The following WDR5 variants were observed in gnomAD, a reference collection of about 807,000 sequenced individuals.
WDR5 encodes the protein WD repeat-containing protein 5.
For synonymous variants in WDR5, 144 were observed against 161.6 expected, an observed-to-expected ratio of 0.89 and a Z score of 0.83; for missense variants, 187 against 416.9, an observed-to-expected ratio of 0.45 and a Z score of 4.80.
intron 8 of WDR5, among the ~76,000 whole-genome samples, chr9:134,148,947 G>A (rs1281397785): frequency 6.6e-6 from 1 of 152,188 alleles, no homozygotes; most frequent in African/African-American, 2.4e-5. Flanking sequence ...GGAGCGAGTT[G>A]GGGGAGTGGA....
chr9:134,156,542 A>G lies in WDR5; in HGVS notation c.853A>G (p.Ile285Val). The G allele has an allele frequency of 6.2e-7, 1 of 1,614,202 alleles. No individual in the cohort carries two copies. The highest frequency in any genetic ancestry group is 1.3e-5 in the African/African-American group (1 of 75,044). The change falls in exon 13 of 14, where the codon ATC becomes GTC. Residue 285 changes from isoleucine (I) to valine (V), a missense_variant. Physicochemically the swap from Ile to Val is conservative, Grantham distance 29. Coordinates refer to ENST00000358625, the MANE Select transcript of WDR5 (RefSeq NM_017588.3). ...TGGCTCAGAGGATAACCTTGTTTAC[A>G]TCTGGAACCTTCAGACGAAAGAGAT... Reference protein sequence around the residue: ...VSGSEDNLVYIWNLQTKEIVQ... With the variant: ...VSGSEDNLVYVWNLQTKEIVQ...
chr9:134,155,452 G>T, intron 11 of WDR5, 79 bp downstream of exon 11: 2 of 1,509,958 alleles, frequency 1.3e-6, no homozygotes. Flanking sequence ...GCTGGCCCCG[G>T]TGATGACAAA....
At position 134,145,096 on chromosome 9, in the gene WDR5, G is replaced by GTTTTTTTTTT. The variant is rs56864188; in HGVS notation, c.528+2388_528+2397dup. ...ACTGCAGAGAGGTTTGTGGGGCTTT[G>GTTTTTTTTTT]TTTTTTTTTTTTTTTTTTTTGAAAC... On this transcript the variant is annotated intron_variant, in intron 7 of 13. Transcript: ENST00000358625. Among the ~76,000 whole-genome samples, 292 of 104,686 alleles carry GTTTTTTTTTT rather than the reference G, an allele frequency of 2.8e-3. 21 individuals carry two copies. Among genetic ancestry groups the GTTTTTTTTTT allele is most frequent in the African/African-American group, 5.8e-3 (170 of 29,134 alleles). The allele number at this position is 104,686 out of a possible 152,430, so 68.7% of individuals were successfully genotyped here. A position where few individuals can be genotyped will look rare whatever the true frequency, so the allele number is the denominator to read the frequency against.
chr9:134,152,479 G>GGACGT (rs1564195558), intron 9 of WDR5, among the ~76,000 whole-genome samples: 1 of 152,224 alleles, frequency 6.6e-6, no homozygotes, highest in African/African-American at 2.4e-5. Flanking sequence ...GAGGAAGGAG[G>GGACGT]GACGTGGCGT....
Position 134,139,892 on chromosome 9 carries a change from G to T in WDR5, c.15G>T (p.Glu5Asp). The T allele has an allele frequency of 6.2e-7, 1 of 1,613,494 alleles. No individual in the cohort carries two copies. The highest frequency in any genetic ancestry group is 8.5e-7 in the Non-Finnish European group (1 of 1,180,012). Residue 5 changes from glutamate to aspartate, a missense_variant, in exon 2 of 14, where the codon GAG (glutamate) becomes GAT (aspartate). Physicochemically the swap from Glu to Asp is conservative, Grantham distance 45. Coordinates refer to ENST00000358625, the MANE Select transcript of WDR5 (RefSeq NM_017588.3). ...GCGTCAGAGCCATGGCGACGGAGGA[G>T]AAGAAGCCCGAGACCGAGGCCGCCA... MATE[E>D]KKPETEAARA...
intron 11 of WDR5, 60 bp from the exon 12 acceptor site, chr9:134,155,633 A>T (rs1189038615): frequency 6.4e-7 from 1 of 1,560,426 alleles, no homozygotes. Flanking sequence ...TAGAACGTAG[A>T]ATTACACAAA....
At chr9:134,139,365 C>A (rs1026374988) in intron 1 of WDR5, among the ~76,000 whole-genome samples, 1 of 152,198 alleles carries the variant, frequency 6.6e-6, no homozygotes, top group African/African-American at 2.4e-5. Flanking sequence ...AACGTGATTG[C>A]GTCACTTGGG....
intron 9 of WDR5, among the ~76,000 whole-genome samples, chr9:134,153,160 G>C (rs1038425156): frequency 6.6e-6 from 1 of 152,170 alleles, no homozygotes; most frequent in Non-Finnish European, 1.5e-5. Flanking sequence ...GGCCACCTGT[G>C]CTCAGTTGTG....
In WDR5 at chr9:134,157,676, AACCGGCTGTGTCGCCCTGGT is replaced by A. The variant is rs1190040031; in HGVS notation, c.905-208_905-189del. On this transcript the variant is annotated intron_variant, in intron 13 of 13. Coordinates refer to ENST00000358625, the MANE Select transcript of WDR5 (RefSeq NM_017588.3). This position sits in a 1 kb window ranked among gnomAD's most constrained non-coding sequence, Gnocchi z 5.0. The stretch of plus-strand genomic sequence containing the variant: ...CTGTGGCCTCCTGCCCCTGTCCCCC[AACCGGCTGTGTCGCCCTGGT>A]ACCGGCTGCTGTCCCCTCGCTCCCC... 2.0e-5 allele frequency among the ~76,000 whole-genome samples: 3 copies of A among 151,968 alleles called. No individual in the cohort carries two copies. Among genetic ancestry groups the A allele is most frequent in the African/African-American group, 7.3e-5 (3 of 41,370 alleles).
At chr9:134,145,721 G>T (rs918978310) in intron 7 of WDR5, among the ~76,000 whole-genome samples, 6 of 152,146 alleles carry the variant, frequency 3.9e-5, no homozygotes, top group Non-Finnish European at 5.9e-5. Flanking sequence ...GCCCTCTCTG[G>T]CTAGGGCTCC....
chr9:134,140,934 C>T, intron 3 of WDR5, 123 bp downstream of exon 3: 2 of 886,740 alleles, frequency 2.3e-6, no homozygotes, highest in Non-Finnish European at 3.6e-6. Flanking sequence ...CGCTGGGGGG[C>T]ACGTAGCAGG....
intron 1 of WDR5, among the ~76,000 whole-genome samples, chr9:134,138,594 T>C (rs1344560546): frequency 6.6e-6 from 1 of 152,196 alleles, no homozygotes; most frequent in Non-Finnish European, 1.5e-5. Flanking sequence ...TCTCTTGTAC[T>C]GTACTCGGCC....
In WDR5 at chr9:134,136,142, C is replaced by T. The variant is rs1166021143; in HGVS notation, c.-117C>T. The stretch of plus-strand genomic sequence containing the variant: ...TTGTCGAGCTGAGTCCGCGCTCCCG[C>T]CCAGGCGGCGGCCGACGCGACGCCC... On this transcript the variant is annotated 5_prime_UTR_variant, in exon 1 of 14. Transcript: ENST00000358625. 2 of 148,292 alleles carry T rather than the reference C, an allele frequency of 1.3e-5. No homozygotes were observed. The highest frequency in any genetic ancestry group is 2.4e-5 in the African/African-American group (1 of 41,038). The allele number at this position is 148,292 out of a possible 1,614,324, so 9.2% of individuals were successfully genotyped here.
chr9:134,137,034 G>T (rs1256319443), intron 1 of WDR5, among the ~76,000 whole-genome samples: 1 of 152,200 alleles, frequency 6.6e-6, no homozygotes, highest in African/African-American at 2.4e-5. Context: ...CCGGCCACCC[G>T]GCTGGTGTTT....
At chr9:134,141,155 A>G (rs980783795) in intron 3 of WDR5, among the ~76,000 whole-genome samples, 1 of 152,200 alleles carries the variant, frequency 6.6e-6, no homozygotes, top group Non-Finnish European at 1.5e-5. Flanking sequence ...GCATGGTGGC[A>G]CATGCCTGTA....
rs1831954639 is a variant in WDR5, at chr9:134,142,663, G to A, written c.472G>A (p.Val158Met). 6.2e-7 allele frequency: 1 copy of A among 1,614,040 alleles called. No individual in the cohort carries two copies. The highest frequency in any genetic ancestry group is 8.5e-7 in the Non-Finnish European group (1 of 1,179,960). Residue 158 changes from valine to methionine, a missense_variant, in exon 7 of 14, where the codon GTG becomes ATG. By Grantham distance (21) the Val-to-Met change is conservative. Coordinates refer to ENST00000358625, the MANE Select transcript of WDR5 (RefSeq NM_017588.3). ...TGACGAAAGCGTGAGGATATGGGAT[G>A]TGAAAACAGGGAAGTGCCTCAAGAC... The part of the protein sequence containing the change: ...SFDESVRIWD[V>M]KTGKCLKTLP...
chr9:134,142,055 G>A lies in WDR5; in HGVS notation c.354+17G>A. The A allele has an allele frequency of 2.5e-6, 4 of 1,612,298 alleles. No individual in the cohort carries two copies. Among genetic ancestry groups the A allele is most frequent in the Non-Finnish European group, 3.4e-6 (4 of 1,178,702 alleles). On this transcript the variant is annotated intron_variant, in intron 5 of 13. Coordinates refer to ENST00000358625, the MANE Select transcript of WDR5 (RefSeq NM_017588.3). ...GTGAGCTCGGTAAGTGACACTCAGTGCTTCTCTCCAGGGGAGACCGGCTGC... is the reference window on the plus strand; with the variant it reads ...GTGAGCTCGGTAAGTGACACTCAGTACTTCTCTCCAGGGGAGACCGGCTGC...
At chr9:134,150,221 A>C (rs1832421921) in intron 8 of WDR5, among the ~76,000 whole-genome samples, 2 of 152,220 alleles carry the variant, frequency 1.3e-5, no homozygotes, top group Admixed American at 1.3e-4. Context: ...CCTACCGTGC[A>C]CAGAAAGGAA....
rs750355343 is a variant in WDR5, at chr9:134,140,768, C to T, written c.147C>T (p.Ser49=). Residue 49 remains serine, a synonymous_variant, in exon 3 of 14, where the codon TCC becomes TCT. Transcript: ENST00000358625. ...FTLAGHTKAV[S]SVKFSPNGEW... is the part of the protein sequence containing the mutation. ...TTGCTGGCCACACCAAAGCAGTGTC[C>T]TCCGTGAAATTCAGCCCGAATGGAG... is the stretch of plus-strand genomic sequence containing the variant. 9.3e-6 allele frequency: 15 copies of T among 1,614,172 alleles called. No homozygotes were observed. The Admixed American group carries it at 1.7e-4, about 18-fold the overall frequency.
Sources: allele counts gnomAD v4.1 joint callset (sites outside exome capture counted in the v4.1 genomes callset), GRCh38; gene constraint gnomAD v4.1.1; non-coding constraint Gnocchi (gnomAD v3.1); transcripts MANE v1.5; gene names NCBI Gene and HGNC (gene_info 2026-07-23, HGNC 2026-07-21).